DLG2: variants seen among roughly 807,000 people sequenced by gnomAD.
The protein encoded by DLG2 is disks large homolog 2.
A neutral mutation model predicts 132.5 loss-of-function variants in DLG2; 45 were observed. The observed-to-expected ratio is 0.34, with a 90% CI of 0.27 to 0.44. The LOEUF (loss-of-function observed/expected upper bound fraction) is 0.44. Among genes scored for constraint, DLG2 ranks in the 20% least tolerant of loss-of-function variants. The pLI, the probability that DLG2 is intolerant of heterozygous loss-of-function variation, is 1.00. For synonymous variants in DLG2, 424 were observed against 419.6 expected (o/e 1.01, Z -0.13); for missense variants, 1,045 against 1,196.9 (o/e 0.87, Z 1.87).
At chr11:84,661,176 C>T (rs2099694074) in intron 6 of DLG2, among the ~76,000 whole-genome samples, 1 of 152,174 alleles carries the variant, frequency 6.6e-6, no homozygotes, top group African/African-American at 2.4e-5. Context: ...TATTTGTAAT[C>T]ATGCCTTTGC....
In DLG2 at chr11:84,867,543, T is replaced by C. The variant is rs796200266; in HGVS notation, c.357+244118A>G. 1.1e-3 allele frequency among the ~76,000 whole-genome samples: 172 copies of C among 152,264 alleles called. 1 individual carries two copies. The highest frequency in any genetic ancestry group is 3.9e-3 in the African/African-American group (163 of 41,558). On this transcript the variant is annotated intron_variant, in intron 6 of 27. Coordinates refer to ENST00000376104, the MANE Select transcript of DLG2 (RefSeq NM_001142699.3). ...TTTTAAGGCTAAACATCAGCAGCAT[T>C]ATTAGAACAAAGAAGAGATTTGAAC...
At chr11:85,516,938 C>T (rs751198807) in intron 3 of DLG2, among the ~76,000 whole-genome samples, 5 of 151,890 alleles carry the variant, frequency 3.3e-5, no homozygotes, top group Non-Finnish European at 5.9e-5. Flanking sequence ...CCAGTACCAC[C>T]CTGATATGAA....
intron 6 of DLG2, among the ~76,000 whole-genome samples, chr11:84,643,408 TC>T (rs1266224962): frequency 6.6e-6 from 1 of 152,222 alleles, no homozygotes; most frequent in Admixed American, 6.5e-5. Context: ...GGATGTAGAA[TC>T]TGATGACCCA....
intron 18 of DLG2, among the ~76,000 whole-genome samples, chr11:83,752,409 A>G (rs1454248740): frequency 1.3e-5 from 2 of 152,240 alleles, no homozygotes; most frequent in Non-Finnish European, 2.9e-5. Context: ...TCATCCAAGT[A>G]TGAATCATAT....
intron 4 of DLG2, among the ~76,000 whole-genome samples, chr11:85,247,360 G>C (rs2076186017): frequency 6.6e-6 from 1 of 151,974 alleles, no homozygotes; most frequent in African/African-American, 2.4e-5. Context: ...TAAACTCAAA[G>C]CGGGATTCAT....
rs77820216 is a variant in DLG2, at chr11:85,579,477, G to C, written c.40+19180C>G. Among the ~76,000 whole-genome samples the C allele has an allele frequency of 5.2e-4, 79 of 152,282 alleles. No individual in the cohort carries two copies. The East Asian group carries it at 0.014, about 27-fold the overall frequency. On this transcript the variant is annotated intron_variant, in intron 3 of 27. Transcript: ENST00000376104. Reference sequence around the variant, plus strand: ...TTAGAAGAAAAAAGTGAACGAAGTGGTATGTACAAGAAGGTGGACACGATC... The same window carrying C: ...TTAGAAGAAAAAAGTGAACGAAGTGCTATGTACAAGAAGGTGGACACGATC...
intron 6 of DLG2, among the ~76,000 whole-genome samples, chr11:84,676,059 C>G (rs2099710889): frequency 6.6e-6 from 1 of 152,192 alleles, no homozygotes; most frequent in Non-Finnish European, 1.5e-5. Flanking sequence ...CCAGTCTAGT[C>G]TGACCTTTAC....
At chr11:83,507,175 A>G (rs1388945117) in intron 21 of DLG2, among the ~76,000 whole-genome samples, 1 of 152,070 alleles carries the variant, frequency 6.6e-6, no homozygotes, top group African/African-American at 2.4e-5. Context: ...AAATGCATTT[A>G]TTTTGCATAA....
chr11:84,959,982 A>C (rs1436236022), intron 6 of DLG2, among the ~76,000 whole-genome samples: 1 of 152,224 alleles, frequency 6.6e-6, no homozygotes, highest in Non-Finnish European at 1.5e-5. Context: ...TTTCAAGGGG[A>C]AAGAATAAGA....
At chr11:84,299,155 A>G (rs1364118639) in intron 7 of DLG2, among the ~76,000 whole-genome samples, 1 of 152,200 alleles carries the variant, frequency 6.6e-6, no homozygotes, top group African/African-American at 2.4e-5. Context: ...AACATGTTTA[A>G]TCCAACATAG....
chr11:85,484,367 A>C (rs373921735), intron 3 of DLG2, among the ~76,000 whole-genome samples: 4,770 of 150,876 alleles, frequency 0.032, 233 homozygotes, highest in African/African-American at 0.11. Flanking sequence ...TAATTAAACT[A>C]AAGAGCTTCT....
intron 3 of DLG2, among the ~76,000 whole-genome samples, chr11:85,317,234 T>C (rs990691802): frequency 2.0e-5 from 3 of 151,902 alleles, no homozygotes; most frequent in Admixed American, 6.6e-5. Flanking sequence ...GCTGCAGACA[T>C]AGACGGGGCT....
chr11:84,687,907 T>A (rs1261146829), intron 6 of DLG2, among the ~76,000 whole-genome samples: 1 of 152,216 alleles, frequency 6.6e-6, no homozygotes, highest in Non-Finnish European at 1.5e-5. Context: ...ATGGAGGGAT[T>A]TCAGATGCAA....
At chr11:85,420,563 G>C (rs1429827131) in intron 3 of DLG2, among the ~76,000 whole-genome samples, 3 of 152,124 alleles carry the variant, frequency 2.0e-5, no homozygotes, top group Non-Finnish European at 4.4e-5. Context: ...CTGTCCCAAG[G>C]AGATGGGAGT....
chr11:84,339,255 T>C (rs1164227747), intron 7 of DLG2, among the ~76,000 whole-genome samples: 1 of 152,112 alleles, frequency 6.6e-6, no homozygotes, highest in East Asian at 1.9e-4. Context: ...GCAAAAGTAA[T>C]AGGATGAAGG....
chr11:85,520,589 T>A (rs1374051376), intron 3 of DLG2, among the ~76,000 whole-genome samples: 1 of 147,078 alleles, frequency 6.8e-6, no homozygotes, highest in Non-Finnish European at 1.5e-5. Flanking sequence ...ACTGAAGGAA[T>A]CACATTACTT....
At chr11:85,067,806 C>T (rs1025676628) in intron 6 of DLG2, among the ~76,000 whole-genome samples, 1 of 151,992 alleles carries the variant, frequency 6.6e-6, no homozygotes, top group Non-Finnish European at 1.5e-5. Context: ...TTTTATGAGG[C>T]CAGCATCATC....
At chr11:85,435,312 G>T (rs1162628976) in intron 3 of DLG2, among the ~76,000 whole-genome samples, 1 of 152,096 alleles carries the variant, frequency 6.6e-6, no homozygotes, top group African/African-American at 2.4e-5. Context: ...GGAAGTTCTG[G>T]CTATCAGGCA....
At position 84,255,801 on chromosome 11, in the gene DLG2, T is replaced by A. The variant is rs1361199097; in HGVS notation, c.520-4510A>T. On this transcript the variant is annotated intron_variant, in intron 7 of 27. Coordinates refer to ENST00000376104, the MANE Select transcript of DLG2 (RefSeq NM_001142699.3). ...TCAGAAAATTCAAGATTTATCTTTA[T>A]ATACATCTAGGCAAGATTTTTGAAA... Among the ~76,000 whole-genome samples the A allele has an allele frequency of 2.0e-5, 3 of 152,158 alleles. No individual in the cohort carries two copies. In the East Asian group the frequency reaches 5.8e-4, roughly 29 times the overall value.
Sources: gnomAD v4.1 joint callset for allele counts (sites outside exome capture counted in the v4.1 genomes callset) on GRCh38, gnomAD v4.1.1 for gene constraint, MANE v1.5 for transcripts, NCBI Gene and HGNC (gene_info 2026-07-23, HGNC 2026-07-21) for gene names.